The following MYT1L variants were observed in gnomAD, a reference collection of about 807,000 sequenced individuals.
The protein encoded by MYT1L is myelin transcription factor 1 like.
MYT1L carries 12 observed loss-of-function variants against 126.7 expected under a neutral mutation model. The ratio of observed to expected loss-of-function variants is 0.09; its 90% CI spans 0.06 to 0.15. The LOEUF is 0.15. Among genes scored for constraint, MYT1L ranks in the 10% least tolerant of loss-of-function variants. MYT1L has a pLI of 1.00. For synonymous variants in MYT1L, 541 were observed against 604.2 expected (o/e 0.90, Z 1.53); for missense variants, 979 against 1,585.2 (o/e 0.62, Z 6.49).
At chr2:2,034,136 G>C (rs1281697200) in intron 4 of MYT1L, among the ~76,000 whole-genome samples, 1 of 152,194 alleles carries the variant, frequency 6.6e-6, no homozygotes, top group Non-Finnish European at 1.5e-5. Context: ...TGGTTAGTAA[G>C]TCGTAGGGAC....
intron 3 of MYT1L, among the ~76,000 whole-genome samples, chr2:2,058,602 C>G (rs1488106676): frequency 6.6e-6 from 1 of 152,118 alleles, no homozygotes; most frequent in African/African-American, 2.4e-5. Flanking sequence ...CACTAATGAT[C>G]AACAAATTTA....
At chr2:1,799,838 C>T (rs1245446271) in intron 23 of MYT1L, among the ~76,000 whole-genome samples, 1 of 152,138 alleles carries the variant, frequency 6.6e-6, no homozygotes, top group African/African-American at 2.4e-5. Flanking sequence ...GGGGCGTTCC[C>T]CCATGCTGTC....
chr2:2,187,389 C>A, intron 2 of MYT1L, among the ~76,000 whole-genome samples: 1 of 152,006 alleles, frequency 6.6e-6, no homozygotes, highest in East Asian at 1.9e-4. Flanking sequence ...GAGAACAAAG[C>A]CATTTTCTTT....
At position 2,079,117 on chromosome 2, in the gene MYT1L, T is replaced by C. The variant is rs78780478; in HGVS notation, c.-303-24994A>G. Reference sequence around the variant, plus strand: ...TCTTGGACTTCCCAGGCTCCAGAACTGTGCAAAATACATTTCTGTTTTTTA... The same window carrying C: ...TCTTGGACTTCCCAGGCTCCAGAACCGTGCAAAATACATTTCTGTTTTTTA... On this transcript the variant is annotated intron_variant, in intron 3 of 24. Transcript: ENST00000647738. Among the ~76,000 whole-genome samples, 639 of 152,356 alleles carry C rather than the reference T, an allele frequency of 4.2e-3. 2 individuals carry two copies. Among genetic ancestry groups the C allele is most frequent in the African/African-American group, 0.015 (617 of 41,588 alleles).
chr2:2,218,445 G>C (rs1219651067), intron 2 of MYT1L, among the ~76,000 whole-genome samples: 1 of 152,156 alleles, frequency 6.6e-6, no homozygotes, highest in Non-Finnish European at 1.5e-5. Flanking sequence ...TACCTATGTT[G>C]AGTGCAAGAA....
intron 9 of MYT1L, among the ~76,000 whole-genome samples, chr2:1,933,879 A>G (rs1378405446): frequency 2.0e-5 from 3 of 152,052 alleles, no homozygotes; most frequent in African/African-American, 7.3e-5. Context: ...ACTTATTTAC[A>G]TTTAAATAAA....
intron 3 of MYT1L, among the ~76,000 whole-genome samples, chr2:2,067,520 G>A (rs2150200071): frequency 6.6e-6 from 1 of 152,238 alleles, no homozygotes; most frequent in South Asian, 2.1e-4. Flanking sequence ...GAGCCCAGGA[G>A]CTTGATACCA....
intron 3 of MYT1L, among the ~76,000 whole-genome samples, chr2:2,159,568 C>T (rs761900134): frequency 6.6e-6 from 1 of 152,054 alleles, no homozygotes; most frequent in Non-Finnish European, 1.5e-5. Flanking sequence ...ACCCTCTTCA[C>T]CCACAGGCCT....
chr2:1,932,669 C>T (rs1261494998), intron 9 of MYT1L, among the ~76,000 whole-genome samples: 2 of 152,108 alleles, frequency 1.3e-5, no homozygotes, highest in African/African-American at 4.8e-5. Context: ...GGGGGTCGGG[C>T]AAGTCCTCAT....
At chr2:2,315,769 A>T (rs1330583176) in intron 1 of MYT1L, among the ~76,000 whole-genome samples, 2 of 152,212 alleles carry the variant, frequency 1.3e-5, no homozygotes, top group Admixed American at 6.5e-5. Flanking sequence ...TCTCACTCTA[A>T]GTAAGAATCA....
At chr2:2,156,371 G>A (rs1030819823) in intron 3 of MYT1L, among the ~76,000 whole-genome samples, 5 of 152,210 alleles carry the variant, frequency 3.3e-5, no homozygotes, top group Non-Finnish European at 5.9e-5. Context: ...AACACAGGTT[G>A]CAGCCCCCAA....
intron 3 of MYT1L, among the ~76,000 whole-genome samples, chr2:2,148,491 A>ATAGG (rs2085233663): frequency 6.6e-6 from 1 of 152,112 alleles, no homozygotes; most frequent in Admixed American, 6.5e-5. Flanking sequence ...CAGGCCACGG[A>ATAGG]TAGGTAGTGG....
At chr2:1,822,007 C>T (rs541142564) in intron 21 of MYT1L, among the ~76,000 whole-genome samples, 16 of 152,306 alleles carry the variant, frequency 1.1e-4, no homozygotes, top group African/African-American at 2.9e-4. Flanking sequence ...CTCTGTTTTC[C>T]GACCAACTCT....
chr2:2,192,832 TG>T (rs896777139), intron 2 of MYT1L, among the ~76,000 whole-genome samples: 5 of 152,136 alleles, frequency 3.3e-5, no homozygotes, highest in Non-Finnish European at 4.4e-5. Context: ...AGGGTGCAGT[TG>T]GCTTGGGAAT....
intron 3 of MYT1L, among the ~76,000 whole-genome samples, chr2:2,126,757 G>C (rs564670396): frequency 2.9e-4 from 44 of 152,304 alleles, no homozygotes; most frequent in African/African-American, 1.0e-3. Context: ...AAGTGCCAAG[G>C]CTCCATCCGC....
At chr2:2,267,813 A>G (rs1246190104) in intron 2 of MYT1L, among the ~76,000 whole-genome samples, 8 of 152,124 alleles carry the variant, frequency 5.3e-5, no homozygotes, top group African/African-American at 1.9e-4. Context: ...GGCTGTGAAG[A>G]TGAGAGTTAA....
intron 2 of MYT1L, among the ~76,000 whole-genome samples, chr2:2,278,303 A>G (rs1312074536): frequency 6.6e-6 from 1 of 152,212 alleles, no homozygotes; most frequent in Non-Finnish European, 1.5e-5. Flanking sequence ...GGCAGAGAGG[A>G]AAATTTACCC....
At chr2:2,273,924 A>G (rs1009531325) in intron 2 of MYT1L, among the ~76,000 whole-genome samples, 1 of 152,220 alleles carries the variant, frequency 6.6e-6, no homozygotes, top group Non-Finnish European at 1.5e-5. Context: ...TGTCTCCATT[A>G]TTAAAACACA....
chr2:1,914,164 G>T (rs986595647), intron 11 of MYT1L, among the ~76,000 whole-genome samples: 4 of 152,058 alleles, frequency 2.6e-5, no homozygotes, highest in Admixed American at 1.3e-4. Flanking sequence ...TGAAGCAGGA[G>T]CATCACTTGA....
Sources: gnomAD v4.1 joint callset for allele counts (sites outside exome capture counted in the v4.1 genomes callset) on GRCh38, gnomAD v4.1.1 for gene constraint, MANE v1.5 for transcripts, NCBI Gene and HGNC (gene_info 2026-07-23, HGNC 2026-07-21) for gene names.